Variants in PLCB4 observed in about 807,000 individuals in gnomAD.
PLCB4 encodes the protein phospholipase C beta 4.
A neutral mutation model predicts 178.8 loss-of-function variants in PLCB4; 77 were observed. The observed-to-expected ratio is 0.43, with a 90% CI of 0.36 to 0.52. PLCB4 has a LOEUF of 0.52. Among genes scored for constraint, PLCB4 ranks in the 20% least tolerant of loss-of-function variants. PLCB4 has a pLI of 0.00. For missense variants in PLCB4, 1,024 were observed against 1,453.4 expected, an observed-to-expected ratio of 0.70 and a Z score of 4.80; for synonymous variants, 496 against 490.8, an observed-to-expected ratio of 1.01 and a Z score of -0.14.
chr20:9,258,237 A>C (rs900333646), intron 3 of PLCB4, among the ~76,000 whole-genome samples: 12 of 152,208 alleles, frequency 7.9e-5, no homozygotes, highest in Non-Finnish European at 1.5e-4. Flanking sequence ...AAATTAAATA[A>C]CATTATTCAC....
chr20:9,318,790 G>A (rs1294705778), intron 4 of PLCB4, among the ~76,000 whole-genome samples: 1 of 152,210 alleles, frequency 6.6e-6, no homozygotes, highest in Admixed American at 6.5e-5. Context: ...AACTAGCTGA[G>A]GATCTACTTA....
In PLCB4 at chr20:9,408,003, C is replaced by T. The variant is rs1246185099; in HGVS notation, c.1734C>T (p.Ser578=). ...CCACTAATATCCATCCATATTTGTCCACAATGATCAACTACGCCCAGCCTG... is the reference window on the plus strand; with the variant it reads ...CCACTAATATCCATCCATATTTGTCTACAATGATCAACTACGCCCAGCCTG... ...GATTNIHPYL[S]TMINYAQPVK... is the part of the protein sequence containing the mutation. The change falls in exon 22 of 40, where the codon TCC becomes TCT. Residue 578 remains serine, a synonymous_variant. Transcript: ENST00000378473. 2 of 1,613,134 alleles carry T rather than the reference C, an allele frequency of 1.2e-6. No individual in the cohort carries two copies. Among genetic ancestry groups the T allele is most frequent in the Non-Finnish European group, 1.7e-6 (2 of 1,179,228 alleles).
chr20:9,423,148 C>A (rs193201479), intron 27 of PLCB4, among the ~76,000 whole-genome samples: 1 of 152,146 alleles, frequency 6.6e-6, no homozygotes, highest in African/African-American at 2.4e-5. Flanking sequence ...TTCTAGCTAC[C>A]GCATCTTACT....
chr20:9,144,644 AAAG>A (rs1463133843), intron 2 of PLCB4, among the ~76,000 whole-genome samples: 17 of 146,904 alleles, frequency 1.2e-4, no homozygotes, highest in Middle Eastern at 3.4e-3. Context: ...GAAAAAAAGA[AAAG>A]AAGAAGAAGA....
At chr20:9,196,746 T>C in intron 2 of PLCB4, among the ~76,000 whole-genome samples, 1 of 152,166 alleles carries the variant, frequency 6.6e-6, no homozygotes, top group East Asian at 1.9e-4. Flanking sequence ...AAGGCCTATC[T>C]TTGGTGGGTT....
chr20:9,380,463 C>G (rs1043514882), intron 13 of PLCB4, among the ~76,000 whole-genome samples: 1 of 152,066 alleles, frequency 6.6e-6, no homozygotes, highest in Non-Finnish European at 1.5e-5. Context: ...TTAAAACAAC[C>G]AATACAGTCT....
chr20:9,276,336 T>C (rs1045071860), intron 3 of PLCB4, among the ~76,000 whole-genome samples: 1 of 152,004 alleles, frequency 6.6e-6, no homozygotes. Context: ...TTATGGGCCA[T>C]GCCCAGATGC....
At chr20:9,155,452 A>G (rs2092771868) in intron 2 of PLCB4, among the ~76,000 whole-genome samples, 1 of 152,176 alleles carries the variant, frequency 6.6e-6, no homozygotes, top group Non-Finnish European at 1.5e-5. Context: ...AAGGGTGTGG[A>G]AAGCTGAAGA....
chr20:9,324,858 G>GA (rs961005064), intron 4 of PLCB4, among the ~76,000 whole-genome samples: 56 of 146,394 alleles, frequency 3.8e-4, no homozygotes, highest in East Asian at 7.9e-4. Context: ...AGCTCTTGTG[G>GA]AAAAAAAAAA....
chr20:9,245,369 T>G (rs1426465697), intron 3 of PLCB4, among the ~76,000 whole-genome samples: 2 of 152,176 alleles, frequency 1.3e-5, no homozygotes, highest in African/African-American at 2.4e-5. Context: ...AAAATCCATG[T>G]CAAATCCCTG....
rs540812934 is a variant in PLCB4 at position 9,083,777 on chromosome 20, A to G, written c.-134-12510A>G. 2.0e-5 allele frequency among the ~76,000 whole-genome samples: 3 copies of G among 152,330 alleles called. No individual in the cohort carries two copies. In the East Asian group the frequency reaches 5.8e-4, roughly 29 times the overall value. ...CTGTGACCATACAGGCACAGAGGAA[A>G]GGCCATATGAGGACACGGGAGAAGG... On this transcript the variant is annotated intron_variant, in intron 1 of 39. Coordinates refer to ENST00000378473, the MANE Select transcript of PLCB4 (RefSeq NM_001377142.1).
chr20:9,335,717 CT>C (rs751284713), intron 4 of PLCB4, among the ~76,000 whole-genome samples: 13 of 152,268 alleles, frequency 8.5e-5, no homozygotes, highest in Non-Finnish European at 1.6e-4. Flanking sequence ...TAGAAAGGGT[CT>C]TTCTGGGAGA....
At chr20:9,119,946 G>A (rs941108929) in intron 2 of PLCB4, among the ~76,000 whole-genome samples, 3 of 152,178 alleles carry the variant, frequency 2.0e-5, no homozygotes, top group Non-Finnish European at 2.9e-5. Context: ...CTAAGAAGCC[G>A]GGAGTGTGTT....
chr20:9,225,413 C>T (rs1393407328), intron 3 of PLCB4, among the ~76,000 whole-genome samples: 1 of 152,144 alleles, frequency 6.6e-6, no homozygotes, highest in Non-Finnish European at 1.5e-5. Context: ...GTTCTACCTT[C>T]AGTTTACCTT....
At chr20:9,095,725 GT>G (rs1286269577) in intron 1 of PLCB4, among the ~76,000 whole-genome samples, 1 of 151,932 alleles carries the variant, frequency 6.6e-6, no homozygotes, top group African/African-American at 2.4e-5. Context: ...TTTTTATGTA[GT>G]TTTTTTGTAA....
At chr20:9,456,001 A>AT (rs1296699667) in intron 33 of PLCB4, among the ~76,000 whole-genome samples, 8 of 152,158 alleles carry the variant, frequency 5.3e-5, no homozygotes, top group East Asian at 3.9e-4. Context: ...ATGCCGGCTA[A>AT]TTTTTTGTAT....
chr20:9,204,761 A>G (rs1203549175), intron 2 of PLCB4, among the ~76,000 whole-genome samples: 3 of 152,106 alleles, frequency 2.0e-5, no homozygotes, highest in African/African-American at 7.2e-5. Flanking sequence ...GGACTGGGGA[A>G]TGTATATTAG....
At position 9,473,416 on chromosome 20, in the gene PLCB4, G is replaced by C. The variant is rs377478607; in HGVS notation, c.3495+51G>C. ...CATGCAGGCAGCTAGCCAGCTTTGG[G>C]ATACACATGCCATGGCCCACAGTGA... is the stretch of plus-strand genomic sequence containing the variant. On this transcript the variant is annotated intron_variant, in intron 38 of 39. Transcript: ENST00000378473. 254 of 1,024,022 alleles carry C rather than the reference G, an allele frequency of 2.5e-4. 4 individuals carry two copies. In the South Asian group the frequency reaches 3.2e-3, roughly 13 times the overall value. 63.4% of individuals were successfully genotyped at this position (1,024,022 alleles called of 1,614,324 possible).
At chr20:9,081,056 T>C (rs1039190521) in intron 1 of PLCB4, among the ~76,000 whole-genome samples, 1 of 152,240 alleles carries the variant, frequency 6.6e-6, no homozygotes, top group South Asian at 2.1e-4. Flanking sequence ...CTCTCTATAC[T>C]GTCTCTTTCT....
Sources: gnomAD v4.1 joint callset for allele counts (sites outside exome capture counted in the v4.1 genomes callset) on GRCh38, gnomAD v4.1.1 for gene constraint, MANE v1.5 for transcripts, NCBI Gene and HGNC (gene_info 2026-07-23, HGNC 2026-07-21) for gene names.